The following NWD1 variants were observed in gnomAD, a reference collection of about 807,000 sequenced individuals.
NWD1 encodes the protein NACHT domain- and WD repeat-containing protein 1.
Under a neutral mutation model 135.1 loss-of-function variants are expected in NWD1, and 129 were observed. That is an observed-to-expected ratio of 0.96 (90% CI 0.83 to 1.11). The LOEUF is 1.11. NWD1 is among the 50% of genes least tolerant of loss of function. NWD1 has a pLI of 0.00. For missense variants in NWD1, 1,740 were observed against 1,851.3 expected (o/e 0.94, Z 1.10); for synonymous variants, 773 against 786.0 (o/e 0.98, Z 0.28).
intron 17 of NWD1, 132 bp from the exon 18 acceptor site, chr19:16,807,454 T>G: frequency 1.5e-6 from 1 of 682,018 alleles, no homozygotes; most frequent in South Asian, 2.3e-5. Context: ...GATCGTGCTA[T>G]TGCACTACAG....
intron 6 of NWD1, among the ~76,000 whole-genome samples, chr19:16,753,697 T>C (rs1027910533): frequency 1.3e-5 from 2 of 152,138 alleles, no homozygotes; most frequent in African/African-American, 4.8e-5. Flanking sequence ...GTGCAAAGGA[T>C]TGTCCTACTT....
chr19:16,732,238 A>G (rs534751327), intron 3 of NWD1, among the ~76,000 whole-genome samples: 11 of 149,332 alleles, frequency 7.4e-5, no homozygotes, highest in Non-Finnish European at 1.5e-4. Context: ...AAAAAAAGGC[A>G]GATGGAGGGG....
At chr19:16,796,770 G>A (rs1048111838) in intron 15 of NWD1, among the ~76,000 whole-genome samples, 5 of 151,818 alleles carry the variant, frequency 3.3e-5, no homozygotes, top group Non-Finnish European at 5.9e-5. Flanking sequence ...TCAAAGGCCT[G>A]CTGTGTGCCC....
Position 16,763,836 on chromosome 19 carries a change from G to A in NWD1, c.2142G>A (p.Pro714=), listed in dbSNP as rs942793978. 1.6e-5 allele frequency: 25 copies of A among 1,611,704 alleles called. No individual in the cohort carries two copies. The highest frequency in any genetic ancestry group is 2.2e-5 in the East Asian group (1 of 44,852). The change falls in exon 9 of 19, where the codon CCG becomes CCA. Residue 714 remains proline (P), a synonymous_variant. Coordinates refer to ENST00000524140, the MANE Select transcript of NWD1 (RefSeq NM_001007525.5). ...KPLNLDRKVA[P]QPLWFSHTVA... is the part of the protein sequence containing the mutation. Reference sequence around the variant, plus strand: ...CCCTTCTCCTCTGCCAGGTGGCCCCGCAGCCTCTGTGGTTCTCACATACGG... The same window carrying A: ...CCCTTCTCCTCTGCCAGGTGGCCCCACAGCCTCTGTGGTTCTCACATACGG...
intron 1 of NWD1, among the ~76,000 whole-genome samples, chr19:16,722,251 A>G (rs141907855): frequency 0.017 from 2,564 of 151,498 alleles, 67 homozygotes; most frequent in African/African-American, 0.056. Flanking sequence ...GTGAGCCACA[A>G]TAGTGCCACT....
chr19:16,731,495 C>T (rs1479170028), intron 3 of NWD1, among the ~76,000 whole-genome samples: 6 of 150,980 alleles, frequency 4.0e-5, no homozygotes, highest in Admixed American at 1.3e-4. Flanking sequence ...TTAGTAGAGA[C>T]GGGGTTTCAC....
chr19:16,779,609 A>G lies in NWD1; in HGVS notation c.2731+144A>G, dbSNP rs576997869. On this transcript the variant is annotated intron_variant, in intron 12 of 18. Coordinates refer to ENST00000524140, the MANE Select transcript of NWD1 (RefSeq NM_001007525.5). ...CTTAGCTATAGTTGCATAATGAACC[A>G]TCCCCAAACACAGTAGTTTCAAACA... 4 of 718,020 alleles carry G rather than the reference A, an allele frequency of 5.6e-6. No homozygotes were observed. In the East Asian group the frequency reaches 1.0e-4, roughly 18 times the overall value. 44.5% of individuals were successfully genotyped at this position (718,020 alleles called of 1,614,324 possible). A position where few individuals can be genotyped will look rare whatever the true frequency, so the allele number is the denominator to read the frequency against.
chr19:16,814,793 C>T (rs2144543320), intron 18 of NWD1, among the ~76,000 whole-genome samples: 1 of 152,328 alleles, frequency 6.6e-6, no homozygotes, highest in African/African-American at 2.4e-5. Context: ...ACACTAAGCA[C>T]ATGACCTGCA....
intron 13 of NWD1, among the ~76,000 whole-genome samples, chr19:16,789,619 G>C (rs559298104): frequency 2.0e-5 from 3 of 150,200 alleles, no homozygotes; most frequent in Non-Finnish European, 3.0e-5. Flanking sequence ...ATAGGGTCCT[G>C]TTCTGTATTT....
intron 17 of NWD1, among the ~76,000 whole-genome samples, chr19:16,803,750 C>G (rs1418701661): frequency 6.9e-6 from 1 of 145,472 alleles, no homozygotes; most frequent in Non-Finnish European, 1.5e-5. Flanking sequence ...AACCCCAACT[C>G]TACTTAAAAA....
At chr19:16,788,240 A>G (rs1166619952) in intron 12 of NWD1, among the ~76,000 whole-genome samples, 12 of 100,730 alleles carry the variant, frequency 1.2e-4, no homozygotes, top group Non-Finnish European at 1.8e-5. Flanking sequence ...CAAAATAATA[A>G]TAATAATAAT....
At chr19:16,748,645 A>G (rs1470325364) in intron 5 of NWD1, among the ~76,000 whole-genome samples, 2 of 152,034 alleles carry the variant, frequency 1.3e-5, no homozygotes, top group East Asian at 3.9e-4. Context: ...GCAACATAGT[A>G]AGACCCCATC....
chr19:16,750,849 A>G (rs922822218), intron 6 of NWD1, among the ~76,000 whole-genome samples: 1 of 152,206 alleles, frequency 6.6e-6, no homozygotes, highest in African/African-American at 2.4e-5. Context: ...AAGCTGGGAA[A>G]ATAAATACAC....
rs1442138841 is a variant in NWD1, at chr19:16,763,856, A to G, written c.2162A>G (p.His721Arg). Residue 721 changes from histidine to arginine, a missense_variant, in exon 9 of 19, where the codon CAT becomes CGT. By Grantham distance (29) the His-to-Arg change is conservative. Coordinates refer to ENST00000524140, the MANE Select transcript of NWD1 (RefSeq NM_001007525.5). ...GCCCCGCAGCCTCTGTGGTTCTCAC[A>G]TACGGTTGCAAACCTGCGGAAGCTG... ...KVAPQPLWFSHTVANLRKLKE... is the reference protein window; with the variant it reads ...KVAPQPLWFSRTVANLRKLKE... The G allele has an allele frequency of 2.5e-6, 4 of 1,613,806 alleles. No individual in the cohort carries two copies. Among genetic ancestry groups the G allele is most frequent in the East Asian group, 2.2e-5 (1 of 44,876 alleles).
chr19:16,759,266 T>C lies in NWD1; in HGVS notation c.1811T>C (p.Leu604Pro). ...SEAELKDVLSLDDEVLQDVYR... is the reference protein window; with the variant it reads ...SEAELKDVLSPDDEVLQDVYR... ...GCGGAGCTGAAGGATGTTTTGTCCC[T>C]GGACGACGAGGTCCTGCAGGATGTG... The change falls in exon 7 of 19, where the codon CTG becomes CCG. Residue 604 changes from leucine (L) to proline (P), a missense_variant. Coordinates refer to ENST00000524140, the MANE Select transcript of NWD1 (RefSeq NM_001007525.5). The C allele has an allele frequency of 1.9e-6, 3 of 1,614,188 alleles. No homozygotes were observed. The highest frequency in any genetic ancestry group is 3.3e-4 in the Middle Eastern group (2 of 6,062).
At position 16,777,741 on chromosome 19, in the gene NWD1, G is replaced by A. The variant is rs114532922; in HGVS notation, c.2609-1602G>A. Reference sequence around the variant, plus strand: ...GGGAAGGGGATGGGAGGGAAAGGAAGGAGAGGGGAGGGAATGAGAGGGTAG... The same window carrying A: ...GGGAAGGGGATGGGAGGGAAAGGAAAGAGAGGGGAGGGAATGAGAGGGTAG... On this transcript the variant is annotated intron_variant, in intron 11 of 18. Transcript: ENST00000524140. Among the ~76,000 whole-genome samples, 151 of 55,946 alleles carry A rather than the reference G, an allele frequency of 2.7e-3. 7 individuals are homozygous for A. Among genetic ancestry groups the A allele is most frequent in the African/African-American group, 0.012 (146 of 12,100 alleles). 36.7% of individuals were successfully genotyped at this position (55,946 alleles called of 152,430 possible). A position where few individuals can be genotyped will look rare whatever the true frequency, so the allele number is the denominator to read the frequency against.
chr19:16,763,939 G>C lies in NWD1; in HGVS notation c.2245G>C (p.Val749Leu), dbSNP rs1969117127. The C allele has an allele frequency of 6.2e-7, 1 of 1,602,940 alleles. No homozygotes were observed. The highest frequency in any genetic ancestry group is 1.7e-5 in the Admixed American group (1 of 59,972). ...CCGCCTGGAGGAGCTGAAACAGGAG[G>C]TTCTGGGTAAGGGCTGCCCCCCATC... ...SGRLEELKQE[V>L]LGSMSWISCR... is the part of the protein sequence containing the mutation. Residue 749 changes from valine to leucine, a missense_variant, in exon 9 of 19, where the codon GTT (valine) becomes CTT (leucine). Coordinates refer to ENST00000524140, the MANE Select transcript of NWD1 (RefSeq NM_001007525.5).
intron 11 of NWD1, among the ~76,000 whole-genome samples, chr19:16,774,037 CA>C (rs1969511082): frequency 6.7e-6 from 1 of 149,562 alleles, no homozygotes. Context: ...CATCTATCTA[CA>C]CTCCCACCCT....
chr19:16,789,339 G>C (rs1970164848), intron 13 of NWD1, 149 bp downstream of exon 13: 2 of 634,064 alleles, frequency 3.2e-6, no homozygotes, highest in Non-Finnish European at 5.6e-6. Flanking sequence ...GGTGCTATAA[G>C]AGGTTTCAGA....
Sources: allele counts gnomAD v4.1 joint callset (sites outside exome capture counted in the v4.1 genomes callset), GRCh38; gene constraint gnomAD v4.1.1; transcripts MANE v1.5; gene names NCBI Gene and HGNC (gene_info 2026-07-23, HGNC 2026-07-21).